Variants in STAT3 observed in about 807,000 individuals in gnomAD.
STAT3 encodes signal transducer and activator of transcription 3.
In STAT3, 7 loss-of-function variants were observed where a neutral mutation model predicts 114.3. The observed-to-expected ratio is 0.06, with a 90% CI of 0.03 to 0.11. The LOEUF (loss-of-function observed/expected upper bound fraction) is 0.11, where lower values mean the gene tolerates loss of function less well. STAT3 is among the 10% of genes least tolerant of loss of function. The pLI, the probability that STAT3 is intolerant of heterozygous loss-of-function variation, is 1.00. For missense variants in STAT3, 364 were observed against 960.9 expected, an observed-to-expected ratio of 0.38 and a Z score of 8.21; for synonymous variants, 331 against 354.5, an observed-to-expected ratio of 0.93 and a Z score of 0.74.
chr17:42,344,399 C>T (rs2082596573), intron 4 of STAT3, among the ~76,000 whole-genome samples: 1 of 123,350 alleles, frequency 8.1e-6, no homozygotes, highest in Non-Finnish European at 1.6e-5. Flanking sequence ...TCCAGCCTGG[C>T]AACAGAGCAA....
chr17:42,388,175 G>A (rs763273292), intron 1 of STAT3, 104 bp downstream of exon 1: 3 of 1,187,974 alleles, frequency 2.5e-6, no homozygotes, highest in Non-Finnish European at 3.2e-6. Context: ...CGGCCCCACT[G>A]CAGCGTCCAT....
At chr17:42,353,374 G>GAAGAGA (rs1282265437) in intron 1 of STAT3, among the ~76,000 whole-genome samples, 66 of 133,634 alleles carry the variant, frequency 4.9e-4, no homozygotes, top group African/African-American at 1.1e-3. Flanking sequence ...AAGAAAGAAA[G>GAAGAGA]AAAGAAGAGA....
intron 1 of STAT3, among the ~76,000 whole-genome samples, chr17:42,377,553 G>A (rs1299610605): frequency 6.6e-6 from 1 of 152,174 alleles, no homozygotes; most frequent in Non-Finnish European, 1.5e-5. Context: ...TACATATGAA[G>A]TAACTCAGGA....
chr17:42,321,263 G>A (rs904801811), intron 21 of STAT3, among the ~76,000 whole-genome samples: 1 of 151,188 alleles, frequency 6.6e-6, no homozygotes, highest in Admixed American at 6.6e-5. Context: ...AGGACTACAG[G>A]CACAAACCAC....
chr17:42,338,954 G>A (rs1033153611), intron 5 of STAT3, 142 bp from the exon 6 acceptor site: 13 of 760,556 alleles, frequency 1.7e-5, no homozygotes, highest in Non-Finnish European at 2.4e-5. Context: ...GTATCCCCAA[G>A]AGAAGGCTCC....
rs977162915 is a variant in STAT3 at position 42,334,186 on chromosome 17, A to G, written c.798-137T>C. ...ATTTTTTTATTGTGGTGAAATATAT[A>G]TAGCATGAAATTTACAATTTTTCAT... On this transcript the variant is annotated intron_variant, in intron 8 of 23. Coordinates refer to ENST00000264657, the MANE Select transcript of STAT3 (RefSeq NM_139276.3). 2.0e-5 allele frequency: 19 copies of G among 969,578 alleles called. 1 individual carries two copies. The highest frequency in any genetic ancestry group is 2.6e-5 in the East Asian group (1 of 38,280). 60.1% of individuals were successfully genotyped at this position (969,578 alleles called of 1,614,324 possible).
rs1456462708 is a variant in STAT3, at chr17:42,333,809, GA to G, written c.957-45del. Reference sequence around the variant, plus strand: ...GGCTCACGCGCCACGGCCATGACCAGAAGTCAGCCCGCCTCTCACTCTACCA... The same window carrying G: ...GGCTCACGCGCCACGGCCATGACCAGAGTCAGCCCGCCTCTCACTCTACCA... On this transcript the variant is annotated intron_variant, in intron 9 of 23. Coordinates refer to ENST00000264657, the MANE Select transcript of STAT3 (RefSeq NM_139276.3). The surrounding 1 kb of genome is among the most constrained non-coding windows in gnomAD (Gnocchi z 5.2). 6.2e-7 allele frequency: 1 copy of G among 1,614,036 alleles called. No homozygotes were observed. The highest frequency in any genetic ancestry group is 8.5e-7 in the Non-Finnish European group (1 of 1,180,002).
rs1567709669 is a variant in STAT3 at position 42,324,675 on chromosome 17, C to CGG, written c.1600+34_1600+35dup. ...CTATGGGCCGGATCCCTTTTCTGGG[C>CGG]GGGTGGGCGGGAGGGAGAAGGGGTG... is the stretch of plus-strand genomic sequence containing the variant. On this transcript the variant is annotated intron_variant, in intron 17 of 23. Coordinates refer to ENST00000264657, the MANE Select transcript of STAT3 (RefSeq NM_139276.3). This position sits in a 1 kb window ranked among gnomAD's most constrained non-coding sequence, Gnocchi z 4.5. 9.9e-6 allele frequency: 13 copies of CGG among 1,314,038 alleles called. No homozygotes were observed. The highest frequency in any genetic ancestry group is 1.3e-5 in the Non-Finnish European group (13 of 1,022,730). 81.4% of individuals were successfully genotyped at this position (1,314,038 alleles called of 1,614,324 possible).
At chr17:42,376,628 C>T (rs1013994221) in intron 1 of STAT3, among the ~76,000 whole-genome samples, 1 of 151,556 alleles carries the variant, frequency 6.6e-6, no homozygotes, top group East Asian at 1.9e-4. Flanking sequence ...GGGCGGATCA[C>T]AAGGTCAGGA....
chr17:42,353,228 G>A (rs1361021349), intron 1 of STAT3, among the ~76,000 whole-genome samples: 2 of 151,796 alleles, frequency 1.3e-5, no homozygotes, highest in African/African-American at 4.8e-5. Flanking sequence ...CATGCCTGTA[G>A]TCCCAGCTAC....
chr17:42,323,396 C>T lies in STAT3; in HGVS notation c.1654-42G>A, dbSNP rs143988657. The T allele has an allele frequency of 2.1e-4, 337 of 1,606,588 alleles. No individual in the cohort carries two copies. In the African/African-American group the frequency reaches 3.8e-3, roughly 18 times the overall value. On this transcript the variant is annotated intron_variant, in intron 18 of 23. Transcript: ENST00000264657. ...TGGGAAAGCCAAGTCTACTGCCATC[C>T]CAGCCCTTCCCTTCCTAGGGGTGCA...
chr17:42,336,264 G>C (rs543255648), intron 8 of STAT3, among the ~76,000 whole-genome samples: 1 of 152,214 alleles, frequency 6.6e-6, no homozygotes, highest in South Asian at 2.1e-4. Context: ...AAGATATGCT[G>C]GATGAAGGTA....
At position 42,337,413 on chromosome 17, in the gene STAT3, A is replaced by G; in HGVS notation, c.797+22T>C. ...CAATCTAGCTTTCGAGAAAGAAAGG[A>G]AAAGCTTCTTTCATCCTTTACCAGT... On this transcript the variant is annotated intron_variant, in intron 8 of 23. Coordinates refer to ENST00000264657, the MANE Select transcript of STAT3 (RefSeq NM_139276.3). The surrounding 1 kb of genome is among the most constrained non-coding windows in gnomAD (Gnocchi z 4.0). 1.2e-6 allele frequency: 2 copies of G among 1,612,174 alleles called. No homozygotes were observed. The highest frequency in any genetic ancestry group is 1.7e-6 in the Non-Finnish European group (2 of 1,178,388).
At chr17:42,326,318 A>G (rs1598400119) in intron 14 of STAT3, 119 bp from the exon 15 acceptor site, 1 of 824,592 alleles carries the variant, frequency 1.2e-6, no homozygotes, top group Non-Finnish European at 2.0e-6. Context: ...GACCAGTCTA[A>G]GCAGCACAGC....
intron 4 of STAT3, among the ~76,000 whole-genome samples, chr17:42,345,203 T>G (rs1002349749): frequency 1.3e-5 from 2 of 151,278 alleles, no homozygotes; most frequent in East Asian, 3.9e-4. Flanking sequence ...AGGTGGAGGT[T>G]GCAGTGAGCC....
At chr17:42,351,749 A>G (rs2082972152) in intron 1 of STAT3, among the ~76,000 whole-genome samples, 1 of 151,958 alleles carries the variant, frequency 6.6e-6, no homozygotes, top group Non-Finnish European at 1.5e-5. Context: ...TAAATTAACT[A>G]AATATTCCAA....
chr17:42,343,897 T>C (rs1335695023), intron 4 of STAT3, among the ~76,000 whole-genome samples: 1 of 152,236 alleles, frequency 6.6e-6, no homozygotes, highest in African/African-American at 2.4e-5. Context: ...TTTGTTTCTC[T>C]TGGATCTTCG....
intron 4 of STAT3, among the ~76,000 whole-genome samples, chr17:42,343,455 C>CTTTTTTTTT (rs34846688): frequency 1.0e-5 from 1 of 99,174 alleles, no homozygotes; most frequent in Non-Finnish European, 1.9e-5. Context: ...TCAGATCTTT[C>CTTTTTTTTT]TTTTTTTTTT....
In STAT3 at chr17:42,338,816, T is replaced by C. The variant is rs2082322893; in HGVS notation, c.469-4A>G. ...CTTTCATTTTCTGTTCTAGATCCTG[T>C]TTAAAATAAGCAAACAAAAAAACAG... is the stretch of plus-strand genomic sequence containing the variant. On this transcript the variant is annotated splice_polypyrimidine_tract_variant and splice_region_variant and intron_variant, in intron 5 of 23. Coordinates refer to ENST00000264657, the MANE Select transcript of STAT3 (RefSeq NM_139276.3). 2 of 1,610,722 alleles carry C rather than the reference T, an allele frequency of 1.2e-6. No homozygotes were observed. The highest frequency in any genetic ancestry group is 1.7e-5 in the Admixed American group (1 of 59,970).
Sources: allele counts gnomAD v4.1 joint callset (sites outside exome capture counted in the v4.1 genomes callset), GRCh38; gene constraint gnomAD v4.1.1; non-coding constraint Gnocchi (gnomAD v3.1); transcripts MANE v1.5; gene names NCBI Gene and HGNC (gene_info 2026-07-23, HGNC 2026-07-21).